Variants in GASK1B observed in about 807,000 individuals in gnomAD.
The protein encoded by GASK1B is golgi associated kinase 1B.
Under a neutral mutation model 42.8 loss-of-function variants are expected in GASK1B, and 34 were observed. The observed-to-expected ratio is 0.79, with a 90% CI of 0.60 to 1.06. The LOEUF is 1.06. GASK1B is among the 50% of genes least tolerant of loss of function. The probability of loss-of-function intolerance (pLI) is 0.00; values close to 1 mark genes in which losing one functional copy is unlikely to be tolerated. For missense variants in GASK1B, 686 were observed against 661.0 expected (o/e 1.04, Z -0.42); for synonymous variants, 262 against 259.1 (o/e 1.01, Z -0.11).
At position 158,126,486 on chromosome 4, in the gene GASK1B, T is replaced by C. The variant is rs2110915438; in HGVS notation, c.*921A>G. The C allele has an allele frequency of 6.6e-6, 1 of 152,196 alleles. No individual in the cohort carries two copies. The highest frequency in any genetic ancestry group is 2.4e-5 in the African/African-American group (1 of 41,560). 9.4% of individuals were successfully genotyped at this position (152,196 alleles called of 1,614,324 possible). A position where few individuals can be genotyped will look rare whatever the true frequency, so the allele number is the denominator to read the frequency against. On this transcript the variant is annotated 3_prime_UTR_variant, in exon 5 of 5. Coordinates refer to ENST00000585682, the MANE Select transcript of GASK1B (RefSeq NM_001128424.2). Reference sequence around the variant, plus strand: ...CTGGGCAGTAACCATTAAATCAAATTAAATATAAGTACATAGAACAAATTT... The same window carrying C: ...CTGGGCAGTAACCATTAAATCAAATCAAATATAAGTACATAGAACAAATTT...
chr4:158,148,916 G>A (rs142951466), intron 3 of GASK1B, among the ~76,000 whole-genome samples: 13 of 152,290 alleles, frequency 8.5e-5, no homozygotes, highest in Admixed American at 3.9e-4. Flanking sequence ...ATGAATAGTA[G>A]AAAGTTACAA....
chr4:158,128,677 T>C (rs1175340892), intron 4 of GASK1B, among the ~76,000 whole-genome samples: 3 of 152,212 alleles, frequency 2.0e-5, no homozygotes, highest in Non-Finnish European at 1.5e-5. Flanking sequence ...ACAATGGAGA[T>C]GGCACAGAGG....
chr4:158,125,453 C>T lies in GASK1B; in HGVS notation c.*1954G>A, dbSNP rs982981750. The T allele has an allele frequency of 6.6e-6, 1 of 151,992 alleles. No individual in the cohort carries two copies. The highest frequency in any genetic ancestry group is 2.4e-5 in the African/African-American group (1 of 41,408). 9.4% of individuals were successfully genotyped at this position (151,992 alleles called of 1,614,324 possible). A position where few individuals can be genotyped will look rare whatever the true frequency, so the allele number is the denominator to read the frequency against. ...AAGCAGTAAAAATGCAAATATGCCA[C>T]CTTGGTAAGACAGGATGTCAGGCAA... On this transcript the variant is annotated 3_prime_UTR_variant, in exon 5 of 5. Coordinates refer to ENST00000585682, the MANE Select transcript of GASK1B (RefSeq NM_001128424.2).
rs775939872 is a variant in GASK1B, at chr4:158,170,627, T to G, written c.749A>C (p.Glu250Ala). ...SRSGARLLVL[E>A]GGAPGAVLRC... ...GAGCACAGCGCCAGGTGCGCCCCCC[T>G]CCAGCACCAGCAAACGGGCTCCGCT... The change falls in exon 2 of 5, where the codon GAG (glutamate) becomes GCG (alanine). Residue 250 changes from glutamate to alanine, a missense_variant. Coordinates refer to ENST00000585682, the MANE Select transcript of GASK1B (RefSeq NM_001128424.2). 1 of 1,613,706 alleles carries G rather than the reference T, an allele frequency of 6.2e-7. No homozygotes were observed. The highest frequency in any genetic ancestry group is 8.5e-7 in the Non-Finnish European group (1 of 1,180,030).
chr4:158,149,240 AT>A (rs1306687091), intron 3 of GASK1B, among the ~76,000 whole-genome samples: 1 of 152,190 alleles, frequency 6.6e-6, no homozygotes, highest in Non-Finnish European at 1.5e-5. Flanking sequence ...TGGATCTATC[AT>A]TCGTTTCATG....
At chr4:158,134,505 A>G (rs1377203497) in intron 3 of GASK1B, among the ~76,000 whole-genome samples, 1 of 152,170 alleles carries the variant, frequency 6.6e-6, no homozygotes, top group Non-Finnish European at 1.5e-5. Flanking sequence ...TTCACATCTT[A>G]TTCTTTAAAA....
chr4:158,162,168 T>A (rs776449892), intron 2 of GASK1B, among the ~76,000 whole-genome samples: 1 of 152,216 alleles, frequency 6.6e-6, no homozygotes, highest in Non-Finnish European at 1.5e-5. Flanking sequence ...AAAGTATTTA[T>A]AATTTCCCAC....
chr4:158,128,871 T>C (rs961472584), intron 4 of GASK1B, among the ~76,000 whole-genome samples: 2 of 152,226 alleles, frequency 1.3e-5, no homozygotes, highest in African/African-American at 4.8e-5. Flanking sequence ...GGGGCTCTAG[T>C]ATTAAGTAGC....
intron 3 of GASK1B, among the ~76,000 whole-genome samples, chr4:158,148,850 C>A (rs1266554306): frequency 6.6e-6 from 1 of 152,186 alleles, no homozygotes; most frequent in Admixed American, 6.5e-5. Context: ...TGCAGATGCA[C>A]TCAGAAGAAG....
Position 158,161,426 on chromosome 4 carries a change from C to A in GASK1B, c.911-5601G>T, listed in dbSNP as rs150045100. Among the ~76,000 whole-genome samples the A allele has an allele frequency of 6.5e-3, 984 of 152,254 alleles. 4 individuals are homozygous for A. The highest frequency in any genetic ancestry group is 0.01 in the Non-Finnish European group (712 of 68,016). ...AGGCCTAACTGAGTTAAAATAATCT[C>A]CATACTTCCTCAGGAGTTAGCTAAG... is the stretch of plus-strand genomic sequence containing the variant. On this transcript the variant is annotated intron_variant, in intron 2 of 4. Coordinates refer to ENST00000585682, the MANE Select transcript of GASK1B (RefSeq NM_001128424.2).
At chr4:158,166,683 A>G (rs968538353) in intron 2 of GASK1B, among the ~76,000 whole-genome samples, 1 of 152,174 alleles carries the variant, frequency 6.6e-6, no homozygotes, top group African/African-American at 2.4e-5. Context: ...GGAAAACTCA[A>G]TAACTCTTAG....
At chr4:158,138,721 G>T (rs1731002502) in intron 3 of GASK1B, among the ~76,000 whole-genome samples, 1 of 151,766 alleles carries the variant, frequency 6.6e-6, no homozygotes, top group Non-Finnish European at 1.5e-5. Flanking sequence ...ACTCAGTTTT[G>T]GTTATGGTTA....
chr4:158,149,741 T>C (rs1326591072), intron 3 of GASK1B, among the ~76,000 whole-genome samples: 1 of 152,112 alleles, frequency 6.6e-6, no homozygotes, highest in Non-Finnish European at 1.5e-5. Context: ...ACTTGTTTCA[T>C]TAATCCAAGG....
At chr4:158,164,750 C>A (rs1033991913) in intron 2 of GASK1B, among the ~76,000 whole-genome samples, 5 of 152,186 alleles carry the variant, frequency 3.3e-5, no homozygotes, top group African/African-American at 1.2e-4. Context: ...ACACTCCCTG[C>A]AAAACGACTG....
chr4:158,164,120 C>G (rs1732136152), intron 2 of GASK1B, among the ~76,000 whole-genome samples: 1 of 152,198 alleles, frequency 6.6e-6, no homozygotes, highest in African/African-American at 2.4e-5. Context: ...ACACTGAACT[C>G]ACACATGGCC....
intron 3 of GASK1B, among the ~76,000 whole-genome samples, chr4:158,141,760 C>T (rs1287160027): frequency 2.0e-5 from 3 of 150,326 alleles, no homozygotes; most frequent in Non-Finnish European, 3.0e-5. Flanking sequence ...GCGCCCACCA[C>T]CACGCCAGAC....
At chr4:158,153,929 C>T (rs981215703) in intron 3 of GASK1B, among the ~76,000 whole-genome samples, 7 of 152,016 alleles carry the variant, frequency 4.6e-5, no homozygotes, top group African/African-American at 1.7e-4. Context: ...GAAAAACCTT[C>T]CTGGACATCA....
chr4:158,169,075 T>C (rs1194761160), intron 2 of GASK1B: 6 of 152,176 alleles, frequency 3.9e-5, no homozygotes, highest in African/African-American at 1.2e-4. Context: ...GGCCAATTAC[T>C]TTGTCTCAAT....
intron 1 of GASK1B, chr4:158,172,124 A>G (rs1476381181): frequency 6.6e-6 from 1 of 152,132 alleles, no homozygotes; most frequent in Non-Finnish European, 1.5e-5. Flanking sequence ...AAATGTCCAT[A>G]TATCTTGGAA....
Sources: allele counts gnomAD v4.1 joint callset (sites outside exome capture counted in the v4.1 genomes callset), GRCh38; gene constraint gnomAD v4.1.1; transcripts MANE v1.5; gene names NCBI Gene and HGNC (gene_info 2026-07-23, HGNC 2026-07-21).